Variants in TNFSF4 observed in about 807,000 individuals in gnomAD.
TNFSF4 encodes TNF superfamily member 4, also known as tumor necrosis factor ligand superfamily member 4.
Under a neutral mutation model 7.3 loss-of-function variants are expected in TNFSF4, and 4 were observed. The ratio of observed to expected loss-of-function variants is 0.55; its 90% confidence interval spans 0.27 to 1.25. The LOEUF (loss-of-function observed/expected upper bound fraction) is 1.25. Ranked by LOEUF, TNFSF4 falls within the 50% of genes most tolerant of loss-of-function variation. The probability of loss-of-function intolerance (pLI) is 0.12; values close to 1 mark genes in which losing one functional copy is unlikely to be tolerated. For synonymous variants in TNFSF4, 76 were observed against 83.7 expected (o/e 0.91, Z 0.50); for missense variants, 181 against 208.8 (o/e 0.87, Z 0.82).
At chr1:173,239,940 G>A in the TNFSF4 span, among the ~76,000 whole-genome samples, 7 of 152,088 alleles carry the variant, frequency 4.6e-5, no homozygotes, top group Non-Finnish European at 1.0e-4. Context: ...GCTGAGGCAG[G>A]AGAATCACTT....
At chr1:173,252,557 A>G in the TNFSF4 span, among the ~76,000 whole-genome samples, 1 of 152,034 alleles carries the variant, frequency 6.6e-6, no homozygotes, top group Admixed American at 6.6e-5. Context: ...CCCTGAATCT[A>G]GGTTGGAAGA....
chr1:173,391,038 G>A, the TNFSF4 span, among the ~76,000 whole-genome samples: 5 of 151,856 alleles, frequency 3.3e-5, no homozygotes, highest in East Asian at 7.7e-4. Flanking sequence ...GAGCCACTGC[G>A]CCCAGCCTTC....
the TNFSF4 span, among the ~76,000 whole-genome samples, chr1:173,323,697 G>A: frequency 2.0e-5 from 3 of 152,158 alleles, no homozygotes; most frequent in East Asian, 1.9e-4. Flanking sequence ...ACCATGGCAC[G>A]AGAACTACAT....
intron 1 of TNFSF4, among the ~76,000 whole-genome samples, chr1:173,202,207 A>G (rs1283390808): frequency 6.6e-6 from 1 of 152,140 alleles, no homozygotes; most frequent in Non-Finnish European, 1.5e-5. Context: ...GAGAGATTGT[A>G]TCCCTAGATC....
At chr1:173,347,239 T>C in the TNFSF4 span, among the ~76,000 whole-genome samples, 1 of 152,212 alleles carries the variant, frequency 6.6e-6, no homozygotes, top group Non-Finnish European at 1.5e-5. Flanking sequence ...CCTTGGGTTG[T>C]AAAATTGGCA....
At chr1:173,181,666 G>T (rs1381814695), downstream of TNFSF4, among the ~76,000 whole-genome samples, 1 of 152,180 alleles carries the variant, frequency 6.6e-6, no homozygotes, top group Non-Finnish European at 1.5e-5. Context: ...TACTCCAGTT[G>T]TTCCCCAGGC....
At chr1:173,414,718 C>A in the TNFSF4 span, among the ~76,000 whole-genome samples, 24 of 152,246 alleles carry the variant, frequency 1.6e-4, no homozygotes, top group Non-Finnish European at 2.6e-4. Flanking sequence ...AGCCCTGGAG[C>A]GAGGGGATGG....
the TNFSF4 span, among the ~76,000 whole-genome samples, chr1:173,330,339 TTA>T: frequency 1.2e-3 from 183 of 151,008 alleles, no homozygotes; most frequent in African/African-American, 4.0e-3. Context: ...TTATATATTG[TTA>T]TATATGTTTT....
the TNFSF4 span, among the ~76,000 whole-genome samples, chr1:173,290,857 GA>G: frequency 6.6e-6 from 1 of 151,846 alleles, no homozygotes; most frequent in Admixed American, 6.6e-5. Context: ...AGAAATTAAA[GA>G]AAAAAATCAT....
At position 173,207,096 on chromosome 1, in the gene TNFSF4, C is replaced by A. The variant is rs757098135; in HGVS notation, c.81G>T (p.Val27=). 1 of 1,613,850 alleles carries A rather than the reference C, an allele frequency of 6.2e-7. No individual in the cohort carries two copies. ...PRFERNKLLL[V]ASVIQGLGLL... is the part of the protein sequence containing the mutation. ...GCCCCAGTCCCTGAATTACAGAGGC[C>A]ACCAGCAATAGCTTGTTCCTCTCGA... is the stretch of plus-strand genomic sequence containing the variant. The change falls in exon 1 of 3, where the codon GTG becomes GTT. Residue 27 remains valine (V), a synonymous_variant. Transcript: ENST00000281834.
the TNFSF4 span, among the ~76,000 whole-genome samples, chr1:173,322,417 A>G: frequency 6.6e-6 from 1 of 151,992 alleles, no homozygotes; most frequent in Admixed American, 6.6e-5. Context: ...TGGAGCCAAG[A>G]TGGCCGAATA....
the TNFSF4 span, among the ~76,000 whole-genome samples, chr1:173,256,277 T>G: frequency 6.6e-6 from 1 of 152,098 alleles, no homozygotes; most frequent in African/African-American, 2.4e-5. Flanking sequence ...CAACAGAAAT[T>G]TATTCTCACA....
the TNFSF4 span, among the ~76,000 whole-genome samples, chr1:173,447,679 A>G: frequency 6.6e-6 from 1 of 152,220 alleles, no homozygotes; most frequent in African/African-American, 2.4e-5. Context: ...AAAAGAAAAA[A>G]AGAGTCAGCA....
At chr1:173,275,142 G>A in the TNFSF4 span, among the ~76,000 whole-genome samples, 2 of 152,176 alleles carry the variant, frequency 1.3e-5, no homozygotes, top group East Asian at 1.9e-4. Context: ...AGAGCATGCA[G>A]CACAAGCTCC....
At chr1:173,232,173 A>T in the TNFSF4 span, among the ~76,000 whole-genome samples, 1 of 152,060 alleles carries the variant, frequency 6.6e-6, no homozygotes, top group Non-Finnish European at 1.5e-5. Flanking sequence ...CTCCTAGAAG[A>T]GGTCCTTCGT....
chr1:173,349,272 C>T, the TNFSF4 span, among the ~76,000 whole-genome samples: 1 of 152,158 alleles, frequency 6.6e-6, no homozygotes, highest in African/African-American at 2.4e-5. Flanking sequence ...TCATGATCTG[C>T]CCGCCTCGGC....
chr1:173,423,593 G>A, the TNFSF4 span, among the ~76,000 whole-genome samples: 1 of 152,344 alleles, frequency 6.6e-6, no homozygotes, highest in African/African-American at 2.4e-5. Context: ...CCCCTAGGAA[G>A]GACTAGGCTT....
chr1:173,413,351 T>C, the TNFSF4 span, among the ~76,000 whole-genome samples: 5 of 152,184 alleles, frequency 3.3e-5, no homozygotes, highest in Admixed American at 2.6e-4. Context: ...CCTGTATCTG[T>C]GGGGGAACTT....
the TNFSF4 span, among the ~76,000 whole-genome samples, chr1:173,411,273 G>A: frequency 2.0e-5 from 3 of 152,178 alleles, no homozygotes; most frequent in African/African-American, 7.2e-5. Context: ...AGGGGCAGGG[G>A]CAGGGGCGGG....
Sources: gnomAD v4.1 joint callset for allele counts (sites outside exome capture counted in the v4.1 genomes callset) on GRCh38, gnomAD v4.1.1 for gene constraint, MANE v1.5 for transcripts, NCBI Gene and HGNC (gene_info 2026-07-23, HGNC 2026-07-21) for gene names.